The following ATP6V1C1 variants were observed in gnomAD, a reference collection of about 807,000 sequenced individuals.
The protein encoded by ATP6V1C1 is ATPase H+ transporting V1 subunit C1, also known as V-type proton ATPase subunit C 1.
A neutral mutation model predicts 53.9 loss-of-function variants in ATP6V1C1; 45 were observed. The ratio of observed to expected loss-of-function variants is 0.83; its 90% confidence interval spans 0.66 to 1.07. ATP6V1C1 has a LOEUF of 1.07. Among genes scored for constraint, ATP6V1C1 ranks in the 50% least tolerant of loss-of-function variants. The pLI, the probability that ATP6V1C1 is intolerant of heterozygous loss-of-function variation, is 0.00. For synonymous variants in ATP6V1C1, 153 were observed against 155.2 expected (o/e 0.99, Z 0.11); for missense variants, 315 against 440.3 (o/e 0.72, Z 2.55).
chr8:103,055,919 A>G lies in ATP6V1C1; in HGVS notation c.624A>G (p.Val208=). ...IKQYETLAEM[V]VPRSSNVLSE... ...AGTATGAAACACTAGCCGAAATGGT[A>G]GTTCCAAGGTCTAGCAAGTAAGTAG... is the stretch of plus-strand genomic sequence containing the variant. The change falls in exon 8 of 13, where the codon GTA becomes GTG. Residue 208 remains valine (V), a synonymous_variant. Transcript: ENST00000518738. The G allele has an allele frequency of 6.2e-7, 1 of 1,612,058 alleles. No individual in the cohort carries two copies. Among genetic ancestry groups the G allele is most frequent in the Non-Finnish European group, 8.5e-7 (1 of 1,178,442 alleles).
chr8:103,049,956 CA>C (rs768370449), intron 4 of ATP6V1C1, among the ~76,000 whole-genome samples: 16 of 144,210 alleles, frequency 1.1e-4, no homozygotes, highest in African/African-American at 1.3e-4. Flanking sequence ...GACCCTGTCT[CA>C]AAAAAAAAAG....
At chr8:103,022,296 G>T (rs548054192) in intron 1 of ATP6V1C1, among the ~76,000 whole-genome samples, 193 of 152,276 alleles carry the variant, frequency 1.3e-3, no homozygotes, top group African/African-American at 4.4e-3. Flanking sequence ...ATGGGGGTAG[G>T]GAATGCTTCT....
At chr8:103,050,776 T>A (rs1817186530) in intron 4 of ATP6V1C1, among the ~76,000 whole-genome samples, 2 of 152,192 alleles carry the variant, frequency 1.3e-5, no homozygotes, top group African/African-American at 4.8e-5. Flanking sequence ...ATGAGGCATA[T>A]TAGGAATATG....
At chr8:103,047,427 C>T (rs1327390008) in intron 3 of ATP6V1C1, among the ~76,000 whole-genome samples, 6 of 100,680 alleles carry the variant, frequency 6.0e-5, no homozygotes, top group African/African-American at 2.0e-4. Context: ...AAAAAATGCG[C>T]GCGCACACAC....
At chr8:103,057,886 AACTG>A (rs553175304) in intron 8 of ATP6V1C1, among the ~76,000 whole-genome samples, 37 of 152,110 alleles carry the variant, frequency 2.4e-4, no homozygotes, top group Admixed American at 7.2e-4. Context: ...TCACATGGTA[AACTG>A]AAGACTACAG....
chr8:103,052,217 T>A (rs1817213212), intron 5 of ATP6V1C1, among the ~76,000 whole-genome samples: 2 of 152,102 alleles, frequency 1.3e-5, no homozygotes, highest in African/African-American at 4.8e-5. Flanking sequence ...TCGAATGTTG[T>A]TTACTTCACA....
chr8:103,056,982 C>T lies in ATP6V1C1; in HGVS notation c.641+1046C>T, dbSNP rs1409135156. Among the ~76,000 whole-genome samples the T allele has an allele frequency of 7.9e-5, 12 of 152,200 alleles. No individual in the cohort carries two copies. The South Asian group carries it at 2.3e-3, about 29-fold the overall frequency. ...CAGTAGAGTCTGTCACTGGTAGGGTCCGTCACTGGTAGGGTTGTGACTTCG... is the reference window on the plus strand; with the variant it reads ...CAGTAGAGTCTGTCACTGGTAGGGTTCGTCACTGGTAGGGTTGTGACTTCG... On this transcript the variant is annotated intron_variant, in intron 8 of 12. Transcript: ENST00000518738.
intron 4 of ATP6V1C1, 77 bp downstream of exon 4, chr8:103,049,032 T>A: frequency 1.5e-6 from 2 of 1,356,362 alleles, no homozygotes; most frequent in Non-Finnish European, 2.1e-6. Context: ...AAAAGTAATG[T>A]AAAAAAGTCT....
chr8:103,035,261 A>G (rs887608785), intron 1 of ATP6V1C1, among the ~76,000 whole-genome samples: 6 of 142,400 alleles, frequency 4.2e-5, no homozygotes, highest in African/African-American at 1.5e-4. Flanking sequence ...ACACTTTTAA[A>G]AAACATGATT....
chr8:103,072,258 TCTTA>T lies in ATP6V1C1; in HGVS notation c.*3515_*3518del, dbSNP rs1464332586. ...TCAGCAAATGTGAAACTTTATTTGCTCTTACTTCAAAATTAGTCCAAAATGTTGG... is the reference window on the plus strand; with the variant it reads ...TCAGCAAATGTGAAACTTTATTTGCTCTTCAAAATTAGTCCAAAATGTTGG... On this transcript the variant is annotated 3_prime_UTR_variant, in exon 13 of 13. Transcript: ENST00000518738. 2 of 152,224 alleles carry T rather than the reference TCTTA, an allele frequency of 1.3e-5. No homozygotes were observed. The highest frequency in any genetic ancestry group is 6.5e-5 in the Admixed American group (1 of 15,282). The allele number at this position is 152,224 out of a possible 1,614,324, so 9.4% of individuals were successfully genotyped here.
chr8:103,035,996 A>C (rs187649892), intron 1 of ATP6V1C1, among the ~76,000 whole-genome samples: 7 of 152,298 alleles, frequency 4.6e-5, no homozygotes, highest in African/African-American at 1.7e-4. Context: ...AAGGAAAGGA[A>C]GCTTGGATCC....
At chr8:103,053,431 A>T (rs1817234979) in intron 6 of ATP6V1C1, among the ~76,000 whole-genome samples, 1 of 151,960 alleles carries the variant, frequency 6.6e-6, no homozygotes, top group African/African-American at 2.4e-5. Context: ...CTGGAAGACA[A>T]ATGAGGACTG....
chr8:103,038,161 G>T (rs992638735), intron 1 of ATP6V1C1, among the ~76,000 whole-genome samples: 1 of 152,150 alleles, frequency 6.6e-6, no homozygotes, highest in South Asian at 2.1e-4. Context: ...TGATGCAGCC[G>T]CATTCAGCTG....
intron 1 of ATP6V1C1, among the ~76,000 whole-genome samples, chr8:103,023,280 CTTT>C (rs576209249): frequency 5.3e-5 from 6 of 113,072 alleles, no homozygotes; most frequent in Non-Finnish European, 3.7e-5. Flanking sequence ...CAGGTTGTGG[CTTT>C]TTTTTTTTTT....
intron 8 of ATP6V1C1, among the ~76,000 whole-genome samples, chr8:103,058,155 T>A (rs1817323390): frequency 6.6e-6 from 1 of 152,214 alleles, no homozygotes; most frequent in Non-Finnish European, 1.5e-5. Flanking sequence ...GAGATTTAGA[T>A]CTTTGGACAG....
chr8:103,038,681 C>A (rs1419407536), intron 1 of ATP6V1C1, among the ~76,000 whole-genome samples: 1 of 152,018 alleles, frequency 6.6e-6, no homozygotes, highest in Non-Finnish European at 1.5e-5. Context: ...AATTAATGAT[C>A]ACTGGATAAT....
chr8:103,044,879 GA>G (rs1235863952), intron 3 of ATP6V1C1, among the ~76,000 whole-genome samples: 1 of 152,084 alleles, frequency 6.6e-6, no homozygotes, highest in African/African-American at 2.4e-5. Flanking sequence ...CCATTTATTT[GA>G]AGATGGTTAT....
At chr8:103,061,758 T>C (rs1817401898) in intron 8 of ATP6V1C1, among the ~76,000 whole-genome samples, 1 of 152,226 alleles carries the variant, frequency 6.6e-6, no homozygotes. Context: ...AACTCCAGTA[T>C]GTGAAAGACA....
intron 1 of ATP6V1C1, 122 bp from the exon 2 acceptor site, chr8:103,040,676 C>A: frequency 1.2e-6 from 1 of 809,550 alleles, no homozygotes; most frequent in Non-Finnish European, 1.8e-6. Flanking sequence ...TGCTTGAGAT[C>A]CTATGCCAAC....
Sources: gnomAD v4.1 joint callset for allele counts (sites outside exome capture counted in the v4.1 genomes callset) on GRCh38, gnomAD v4.1.1 for gene constraint, MANE v1.5 for transcripts, NCBI Gene and HGNC (gene_info 2026-07-23, HGNC 2026-07-21) for gene names.